The following PAPPA2 variants were observed in gnomAD, a reference collection of about 807,000 sequenced individuals.
The protein encoded by PAPPA2 is pappalysin-2.
PAPPA2 carries 86 observed loss-of-function variants against 176.4 expected under a neutral mutation model. The observed-to-expected ratio is 0.49, with a 90% CI of 0.41 to 0.58. The LOEUF (loss-of-function observed/expected upper bound fraction) is 0.58, where lower values mean the gene tolerates loss of function less well. Among genes scored for constraint, PAPPA2 ranks in the 20% least tolerant of loss-of-function variants. PAPPA2 has a pLI of 0.00. For missense variants in PAPPA2, 2,073 were observed against 2,256.9 expected, an observed-to-expected ratio of 0.92 and a Z score of 1.65; for synonymous variants, 809 against 852.2, an observed-to-expected ratio of 0.95 and a Z score of 0.88.
chr1:176,609,341 A>G (rs903624274), intron 3 of PAPPA2, among the ~76,000 whole-genome samples: 2 of 152,150 alleles, frequency 1.3e-5, no homozygotes, highest in Non-Finnish European at 2.9e-5. Flanking sequence ...GTGAAAACAA[A>G]TTTTTCTTCT....
chr1:176,483,958 C>T (rs1287574308), intron 1 of PAPPA2, among the ~76,000 whole-genome samples: 2 of 152,158 alleles, frequency 1.3e-5, no homozygotes, highest in Non-Finnish European at 2.9e-5. Context: ...CAGGCCAAAA[C>T]AGTGAAGTAA....
chr1:176,511,066 A>T (rs1648571140), intron 1 of PAPPA2, among the ~76,000 whole-genome samples: 1 of 152,138 alleles, frequency 6.6e-6, no homozygotes, highest in African/African-American at 2.4e-5. Flanking sequence ...TTAAAGGGCC[A>T]ACATTATTAG....
chr1:176,770,548 T>C (rs1664178184), intron 16 of PAPPA2, among the ~76,000 whole-genome samples: 1 of 152,164 alleles, frequency 6.6e-6, no homozygotes, highest in African/African-American at 2.4e-5. Flanking sequence ...TGTTTGAGGT[T>C]TGAAATTTAC....
chr1:176,674,171 CAAG>C (rs1487041736), intron 4 of PAPPA2, among the ~76,000 whole-genome samples: 1 of 152,004 alleles, frequency 6.6e-6, no homozygotes, highest in Non-Finnish European at 1.5e-5. Flanking sequence ...GAGGCCTTGT[CAAG>C]GAGGAGGGGC....
intron 1 of PAPPA2, among the ~76,000 whole-genome samples, chr1:176,532,808 C>T (rs1007655476): frequency 1.3e-5 from 2 of 152,178 alleles, no homozygotes; most frequent in Non-Finnish European, 2.9e-5. Flanking sequence ...TCCCTAGATC[C>T]ACCTCTGCCT....
chr1:176,631,701 C>T (rs1159800580), intron 3 of PAPPA2, among the ~76,000 whole-genome samples: 1 of 152,126 alleles, frequency 6.6e-6, no homozygotes, highest in African/African-American at 2.4e-5. Flanking sequence ...GAGTGAAATA[C>T]AGATGACAGC....
chr1:176,674,182 G>A (rs1659161488), intron 4 of PAPPA2, among the ~76,000 whole-genome samples: 1 of 152,002 alleles, frequency 6.6e-6, no homozygotes, highest in African/African-American at 2.4e-5. Flanking sequence ...AAGGAGGAGG[G>A]GCTCTGAGAC....
At position 176,843,911 on chromosome 1, in the gene PAPPA2, A is replaced by T. The variant is rs1312829872; in HGVS notation, c.*1457A>T. 4 of 152,142 alleles carry T rather than the reference A, an allele frequency of 2.6e-5. No homozygotes were observed. Among genetic ancestry groups the T allele is most frequent in the African/African-American group, 4.8e-5 (2 of 41,432 alleles). 9.4% of individuals were successfully genotyped at this position (152,142 alleles called of 1,614,324 possible). A position where few individuals can be genotyped will look rare whatever the true frequency, so the allele number is the denominator to read the frequency against. ...CATGGAAATGCATGGAGCAAGGGTG[A>T]CACTCTGTGGGGAGACAGAAGAATT... On this transcript the variant is annotated 3_prime_UTR_variant, in exon 23 of 23. Coordinates refer to ENST00000367662, the MANE Select transcript of PAPPA2 (RefSeq NM_020318.3).
At chr1:176,699,651 TC>T (rs1372605038) in intron 8 of PAPPA2, 62 bp downstream of exon 8, 15 of 1,520,984 alleles carry the variant, frequency 9.9e-6, no homozygotes, top group Non-Finnish European at 1.1e-5. Flanking sequence ...TTGTTACTTT[TC>T]CCCCACTTTT....
intron 2 of PAPPA2, among the ~76,000 whole-genome samples, chr1:176,565,078 A>T (rs1432339694): frequency 6.6e-6 from 1 of 152,120 alleles, no homozygotes; most frequent in Non-Finnish European, 1.5e-5. Context: ...CTTTCACTTG[A>T]GGCTTATCCA....
At chr1:176,791,904 A>G (rs1665194490) in intron 19 of PAPPA2, among the ~76,000 whole-genome samples, 1 of 152,030 alleles carries the variant, frequency 6.6e-6, no homozygotes, top group South Asian at 2.1e-4. Context: ...ATGCAAGTTG[A>G]CTCTTAGCTG....
chr1:176,841,993 T>C (rs1667505951), intron 22 of PAPPA2, among the ~76,000 whole-genome samples: 1 of 152,204 alleles, frequency 6.6e-6, no homozygotes, highest in South Asian at 2.1e-4. Context: ...TTTCCTACTT[T>C]ACAGGGAAAG....
At chr1:176,794,074 T>C (rs558082538) in intron 20 of PAPPA2, among the ~76,000 whole-genome samples, 2 of 152,200 alleles carry the variant, frequency 1.3e-5, no homozygotes, top group Non-Finnish European at 2.9e-5. Context: ...GTATATCAAG[T>C]ATACTTTTAG....
At chr1:176,618,383 A>G (rs1205920926) in intron 3 of PAPPA2, among the ~76,000 whole-genome samples, 3 of 152,182 alleles carry the variant, frequency 2.0e-5, no homozygotes, top group African/African-American at 7.2e-5. Context: ...AATGCTTCTT[A>G]GTTACCATAC....
intron 1 of PAPPA2, among the ~76,000 whole-genome samples, chr1:176,487,845 T>C (rs765240589): frequency 3.3e-5 from 5 of 152,200 alleles, no homozygotes; most frequent in Admixed American, 6.5e-5. Context: ...AATAAGATAA[T>C]TGGGCCAAGG....
chr1:176,545,744 C>CACA (rs1372494435), intron 1 of PAPPA2, among the ~76,000 whole-genome samples: 1 of 152,050 alleles, frequency 6.6e-6, no homozygotes, highest in African/African-American at 2.4e-5. Flanking sequence ...TATTATAAAC[C>CACA]ACAATGTCAT....
chr1:176,788,898 C>T (rs1236547256), intron 17 of PAPPA2, among the ~76,000 whole-genome samples: 1 of 152,162 alleles, frequency 6.6e-6, no homozygotes, highest in Non-Finnish European at 1.5e-5. Flanking sequence ...ACTCATATTG[C>T]TGCACTTTCT....
At chr1:176,709,477 C>T (rs1301482891) in intron 10 of PAPPA2, among the ~76,000 whole-genome samples, 1 of 152,072 alleles carries the variant, frequency 6.6e-6, no homozygotes, top group Non-Finnish European at 1.5e-5. Flanking sequence ...ATAGCAGTCA[C>T]GCAGTTGAAG....
chr1:176,571,751 T>C (rs1170884397), intron 2 of PAPPA2, among the ~76,000 whole-genome samples: 1 of 152,232 alleles, frequency 6.6e-6, no homozygotes, highest in African/African-American at 2.4e-5. Context: ...ACATAACCAC[T>C]ATTCTCAACT....
Sources: allele counts gnomAD v4.1 joint callset (sites outside exome capture counted in the v4.1 genomes callset), GRCh38; gene constraint gnomAD v4.1.1; transcripts MANE v1.5; gene names NCBI Gene and HGNC (gene_info 2026-07-23, HGNC 2026-07-21).